Variants in HEATR5B observed in about 807,000 individuals in gnomAD.
HEATR5B encodes HEAT repeat-containing protein 5B.
HEATR5B carries 156 observed loss-of-function variants against 224.1 expected under a neutral mutation model. That is an observed-to-expected ratio of 0.70 (90% CI 0.61 to 0.80). The LOEUF is 0.80. HEATR5B is among the 30% of genes least tolerant of loss of function. The pLI, the probability that HEATR5B is intolerant of heterozygous loss-of-function variation, is 0.00. For missense variants in HEATR5B, 2,323 were observed against 2,535.5 expected, an observed-to-expected ratio of 0.92 and a Z score of 1.80; for synonymous variants, 1,027 against 893.0, an observed-to-expected ratio of 1.15 and a Z score of -2.68.
At position 37,038,911 on chromosome 2, in the gene HEATR5B, G is replaced by C. The variant is rs1436273187; in HGVS notation, c.3047-887C>G. ...CAAGACTCTGTCTCCCTGGGGTGGG[G>C]GGGGTGGGGAATCACATATTTTTCA... On this transcript the variant is annotated intron_variant, in intron 20 of 35. Transcript: ENST00000233099. Among the ~76,000 whole-genome samples, 2 of 131,264 alleles carry C rather than the reference G, an allele frequency of 1.5e-5. 1 individual carries two copies. The highest frequency in any genetic ancestry group is 3.3e-5 in the Non-Finnish European group (2 of 60,052). 86.1% of individuals were successfully genotyped at this position (131,264 alleles called of 152,430 possible).
chr2:37,077,931 T>C (rs989324414), intron 3 of HEATR5B, among the ~76,000 whole-genome samples: 1 of 152,218 alleles, frequency 6.6e-6, no homozygotes, highest in South Asian at 2.1e-4. Context: ...AAAGTAATAA[T>C]AGCAACACAC....
intron 17 of HEATR5B, among the ~76,000 whole-genome samples, chr2:37,050,933 C>G (rs1015516642): frequency 2.0e-5 from 3 of 151,778 alleles, no homozygotes; most frequent in African/African-American, 7.3e-5. Flanking sequence ...CCCAGCTACT[C>G]AGCAGACTTA....
chr2:37,074,883 A>G (rs1423451378), intron 5 of HEATR5B, among the ~76,000 whole-genome samples: 1 of 152,258 alleles, frequency 6.6e-6, no homozygotes, highest in Non-Finnish European at 1.5e-5. Flanking sequence ...TGTATCCATT[A>G]GAATGGCTTA....
intron 26 of HEATR5B, among the ~76,000 whole-genome samples, chr2:37,019,106 A>G (rs1572818656): frequency 6.6e-6 from 1 of 152,108 alleles, no homozygotes; most frequent in South Asian, 2.1e-4. Flanking sequence ...TACAGTGAGC[A>G]GAGATCGCAT....
intron 27 of HEATR5B, among the ~76,000 whole-genome samples, chr2:37,011,271 A>G (rs2148407805): frequency 6.6e-6 from 1 of 152,342 alleles, no homozygotes; most frequent in East Asian, 1.9e-4. Context: ...TTACAGGCAG[A>G]GGGAACAGCC....
intron 17 of HEATR5B, 40 bp from the exon 18 acceptor site, chr2:37,049,883 T>C (rs750733108): frequency 2.8e-6 from 4 of 1,426,422 alleles, no homozygotes; most frequent in African/African-American, 1.5e-5. Context: ...CAGCAATTCA[T>C]AATTCATTAT....
In HEATR5B at chr2:37,068,704, A is replaced by G. The variant is rs777243304; in HGVS notation, c.1154T>C (p.Ile385Thr). 1 of 1,614,024 alleles carries G rather than the reference A, an allele frequency of 6.2e-7. No homozygotes were observed. The highest frequency in any genetic ancestry group is 1.3e-5 in the African/African-American group (1 of 74,930). Residue 385 changes from isoleucine to threonine, a missense_variant, in exon 8 of 36, where the codon ATT becomes ACT. By Grantham distance (89) the Ile-to-Thr change is moderately conservative. Transcript: ENST00000233099. ...IAAAKEICQA[I>T]GKQMKAVEAV... ...ACCTACGGCTTTCATTTGTTTTCCA[A>G]TAGCTTGGCAGATTTCTTTGGCAGC...
chr2:36,994,842 C>G (rs6728062), intron 33 of HEATR5B, among the ~76,000 whole-genome samples: 28,394 of 151,984 alleles, frequency 0.19, 3,281 homozygotes, highest in East Asian at 0.53. Flanking sequence ...AGCTCCGCCC[C>G]CGGGTTCACG....
intron 35 of HEATR5B, among the ~76,000 whole-genome samples, chr2:36,983,464 G>A (rs974830249): frequency 1.3e-5 from 2 of 152,150 alleles, no homozygotes; most frequent in Non-Finnish European, 2.9e-5. Context: ...GCTTGAATCT[G>A]GAAGGCGGAG....
intron 17 of HEATR5B, among the ~76,000 whole-genome samples, chr2:37,051,354 CAAAAAAAAAA>C (rs11313174): frequency 1.5e-5 from 1 of 66,040 alleles, no homozygotes; most frequent in Non-Finnish European, 2.8e-5. Context: ...AACTCCATCT[CAAAAAAAAAA>C]AAAAAAAAAA....
chr2:37,079,325 C>T lies in HEATR5B; in HGVS notation c.133G>A (p.Val45Ile). The T allele has an allele frequency of 6.3e-7, 1 of 1,588,542 alleles. No individual in the cohort carries two copies. The change falls in exon 3 of 36, where the codon GTA becomes ATA. Residue 45 changes from valine (V) to isoleucine (I), a missense_variant. Val to Ile is a conservative substitution (Grantham distance 29). Around this residue, in one of 12 missense-constraint regions of HEATR5B, gnomAD observed 292 missense variants for 332.6 expected, o/e 0.88. Transcript: ENST00000233099. Reference sequence around the variant, plus strand: ...ACAAGTTTTTTCTGTTTTTCCTTTACATCGGTCTGTTACAAAAAAAATTTT... The same window carrying T: ...ACAAGTTTTTTCTGTTTTTCCTTTATATCGGTCTGTTACAAAAAAAATTTT... ...KVLVAANKTD[V>I]KEKQKKLVEQ...
intron 11 of HEATR5B, among the ~76,000 whole-genome samples, chr2:37,061,067 A>C (rs1358502351): frequency 6.6e-6 from 1 of 152,192 alleles, no homozygotes; most frequent in East Asian, 1.9e-4. Context: ...CATATTATCA[A>C]TAAAATATAT....
In HEATR5B at chr2:37,037,930, G is replaced by A; in HGVS notation, c.3141C>T (p.Ala1047=). Residue 1047 remains alanine (A), a synonymous_variant, in exon 21 of 36, where the codon GCC becomes GCT. Coordinates refer to ENST00000233099, the MANE Select transcript of HEATR5B (RefSeq NM_019024.3). ...TGTGAAGCTGCTGAAGGCAAGATAT[G>A]GCAGCTGCCTGAACAAGAGAATCTG... ...DHSDSLVQAA[A]ISCLQQLHMF... is the part of the protein sequence containing the mutation. 6.2e-7 allele frequency: 1 copy of A among 1,600,992 alleles called. No homozygotes were observed. The highest frequency in any genetic ancestry group is 8.5e-7 in the Non-Finnish European group (1 of 1,171,732).
In HEATR5B at chr2:37,011,550, T is replaced by A. The variant is rs142464875; in HGVS notation, c.4284+2291A>T. On this transcript the variant is annotated intron_variant, in intron 27 of 35. Coordinates refer to ENST00000233099, the MANE Select transcript of HEATR5B (RefSeq NM_019024.3). Reference sequence around the variant, plus strand: ...TCAATTTCTGGGTTTTCATATTCTATCTTTGTAAGTTATAATTTTGATGTA... The same window carrying A: ...TCAATTTCTGGGTTTTCATATTCTAACTTTGTAAGTTATAATTTTGATGTA... Among the ~76,000 whole-genome samples, 584 of 152,316 alleles carry A rather than the reference T, an allele frequency of 3.8e-3. 2 individuals carry two copies. The highest frequency in any genetic ancestry group is 0.013 in the African/African-American group (561 of 41,564).
intron 35 of HEATR5B, among the ~76,000 whole-genome samples, chr2:36,987,436 G>A (rs1308741675): frequency 8.5e-5 from 11 of 129,352 alleles, no homozygotes; most frequent in African/African-American, 1.8e-4. Flanking sequence ...AAAAAAAAAA[G>A]CTTCATTTGT....
rs117184485 is a variant in HEATR5B, at chr2:36,998,927, A to G, written c.5545+1659T>C. On this transcript the variant is annotated intron_variant, in intron 33 of 35. Transcript: ENST00000233099. ...ATAGATATTTCTAAGAAAAAACATAATATCAGGCCGAGTGTGGTGGCTCAC... is the reference window on the plus strand; with the variant it reads ...ATAGATATTTCTAAGAAAAAACATAGTATCAGGCCGAGTGTGGTGGCTCAC... Among the ~76,000 whole-genome samples the G allele has an allele frequency of 1.2e-3, 184 of 152,148 alleles. 4 individuals are homozygous for G. In the East Asian group the frequency reaches 0.033, roughly 27 times the overall value.
At chr2:37,006,437 TTCGAGACCAG>T (rs1667421022) in intron 29 of HEATR5B, among the ~76,000 whole-genome samples, 1 of 151,986 alleles carries the variant, frequency 6.6e-6, no homozygotes, top group South Asian at 2.1e-4. Context: ...AGGTCAGGAG[TTCGAGACCAG>T]CCTGACCAAC....
chr2:37,007,260 G>A lies in HEATR5B; in HGVS notation c.4567C>T (p.His1523Tyr). Residue 1523 changes from histidine (H) to tyrosine (Y), a missense_variant, in exon 29 of 36, where the codon CAC becomes TAC. His to Tyr is a moderately conservative substitution (Grantham distance 83). Around this residue, in one of 12 missense-constraint regions of HEATR5B, gnomAD observed 844 missense variants for 812.9 expected, o/e 1.04. Transcript: ENST00000233099. ...ATTGGGGCCCAGGAATTCCGATAGT[G>A]AAGTCTAGCTGTATCAATAGTTTCA... ...TPETIDTARL[H>Y]YRNSWAPILH... The A allele has an allele frequency of 1.2e-6, 2 of 1,613,026 alleles. No individual in the cohort carries two copies. Among genetic ancestry groups the A allele is most frequent in the East Asian group, 2.2e-5 (1 of 44,846 alleles).
At chr2:37,047,842 T>C (rs1040976989) in intron 18 of HEATR5B, among the ~76,000 whole-genome samples, 1 of 152,186 alleles carries the variant, frequency 6.6e-6, no homozygotes, top group Non-Finnish European at 1.5e-5. Flanking sequence ...AGACTGAAGT[T>C]TTTCCAAAAT....
Sources: allele counts gnomAD v4.1 joint callset (sites outside exome capture counted in the v4.1 genomes callset), GRCh38; gene constraint gnomAD v4.1.1; regional missense constraint gnomAD v4.1.1; transcripts MANE v1.5; gene names NCBI Gene and HGNC (gene_info 2026-07-23, HGNC 2026-07-21).